RERE: variants seen among roughly 807,000 people sequenced by gnomAD.
RERE encodes the protein arginine-glutamic acid dipeptide repeats, also known as arginine-glutamic acid dipeptide repeats protein.
RERE carries 40 observed loss-of-function variants against 146.1 expected under a neutral mutation model. That is an observed-to-expected ratio of 0.27 (90% CI 0.21 to 0.36). The LOEUF is 0.36. RERE is among the 10% of genes least tolerant of loss of function. The probability of loss-of-function intolerance (pLI) is 1.00; values close to 1 mark genes in which losing one functional copy is unlikely to be tolerated. For missense variants in RERE, 1,933 were observed against 2,138.7 expected, an observed-to-expected ratio of 0.90 and a Z score of 1.90; for synonymous variants, 1,003 against 866.0, an observed-to-expected ratio of 1.16 and a Z score of -2.78.
chr1:8,588,559 A>C (rs1258887237), intron 4 of RERE, among the ~76,000 whole-genome samples: 1 of 152,226 alleles, frequency 6.6e-6, no homozygotes, highest in African/African-American at 2.4e-5. Context: ...TTGAGCAGAC[A>C]AAAACACATA....
chr1:8,411,463 C>T (rs1238518000), intron 12 of RERE, among the ~76,000 whole-genome samples: 3 of 151,964 alleles, frequency 2.0e-5, no homozygotes, highest in African/African-American at 7.3e-5. Context: ...TTTTGATGGG[C>T]AAATCCACCC....
intron 7 of RERE, chr1:8,525,679 G>A (rs1645561799): frequency 7.2e-7 from 1 of 1,385,672 alleles, no homozygotes; most frequent in Non-Finnish European, 9.7e-7. Context: ...ATGATGAAAT[G>A]ATTCATAAAC....
chr1:8,685,149 C>T (rs1639056485), intron 1 of RERE, among the ~76,000 whole-genome samples: 1 of 152,174 alleles, frequency 6.6e-6, no homozygotes, highest in African/African-American at 2.4e-5. Context: ...TGACATACCA[C>T]ACCCAGCCCA....
intron 2 of RERE, among the ~76,000 whole-genome samples, chr1:8,641,080 G>C (rs1205119325): frequency 6.6e-6 from 1 of 152,164 alleles, no homozygotes. Flanking sequence ...GGTTTTCTCA[G>C]CTGGTGAAGC....
chr1:8,478,352 A>G (rs1644786549), intron 10 of RERE, among the ~76,000 whole-genome samples: 1 of 152,184 alleles, frequency 6.6e-6, no homozygotes, highest in African/African-American at 2.4e-5. Context: ...TCTAAAATGG[A>G]AGAAAAAAAG....
intron 7 of RERE, among the ~76,000 whole-genome samples, chr1:8,526,293 C>CTTTT (rs34947776): frequency 7.0e-6 from 1 of 141,846 alleles, no homozygotes; most frequent in East Asian, 2.0e-4. Context: ...CAAGTTTTGT[C>CTTTT]TTTTTTTTTT....
chr1:8,695,587 TAAAAAAAAAA>T (rs34953565), intron 1 of RERE, among the ~76,000 whole-genome samples: 65 of 36,740 alleles, frequency 1.8e-3, no homozygotes, highest in African/African-American at 7.0e-3. Context: ...CCATTTCTAC[TAAAAAAAAAA>T]AAAAAAAAAA....
intron 1 of RERE, among the ~76,000 whole-genome samples, chr1:8,665,940 T>A (rs919988294): frequency 6.6e-6 from 1 of 152,186 alleles, no homozygotes. Context: ...ACTACTGTTA[T>A]GTATATCTTA....
At chr1:8,470,239 G>A (rs1306119752) in intron 10 of RERE, among the ~76,000 whole-genome samples, 1 of 151,982 alleles carries the variant, frequency 6.6e-6, no homozygotes, top group Non-Finnish European at 1.5e-5. Context: ...AAAAAGTGTG[G>A]GATTATTTAC....
At chr1:8,773,778 C>T (rs571640612) in intron 1 of RERE, among the ~76,000 whole-genome samples, 1 of 152,228 alleles carries the variant, frequency 6.6e-6, no homozygotes, top group African/African-American at 2.4e-5. Flanking sequence ...GAGCTGAGAT[C>T]GCGCCACTGC....
intron 11 of RERE, among the ~76,000 whole-genome samples, chr1:8,447,123 GT>G (rs559225761): frequency 7.0e-5 from 10 of 143,514 alleles, no homozygotes; most frequent in Non-Finnish European, 1.2e-4. Flanking sequence ...TTCTCCTGCT[GT>G]TTTTTTTTTC....
chr1:8,495,001 C>G, intron 10 of RERE, 62 bp downstream of exon 10: 1 of 1,219,674 alleles, frequency 8.2e-7, no homozygotes, highest in African/African-American at 1.5e-5. Flanking sequence ...CACACATTCC[C>G]TACAGCCAGT....
At chr1:8,754,069 G>A (rs1640589329) in intron 1 of RERE, among the ~76,000 whole-genome samples, 1 of 152,080 alleles carries the variant, frequency 6.6e-6, no homozygotes. Flanking sequence ...TTTTATTAAG[G>A]AGTTACTGAA....
chr1:8,720,579 C>G (rs531640562), intron 1 of RERE, among the ~76,000 whole-genome samples: 15 of 152,134 alleles, frequency 9.9e-5, no homozygotes, highest in Non-Finnish European at 2.1e-4. Context: ...GCAAGCGAGC[C>G]GGCAGGACTA....
chr1:8,590,529 G>A (rs575840538), intron 4 of RERE, among the ~76,000 whole-genome samples: 1 of 152,214 alleles, frequency 6.6e-6, no homozygotes, highest in Non-Finnish European at 1.5e-5. Context: ...GAGATGCCCT[G>A]GGAACAAATG....
At chr1:8,765,771 G>GT (rs1459572073) in intron 1 of RERE, among the ~76,000 whole-genome samples, 1 of 152,198 alleles carries the variant, frequency 6.6e-6, no homozygotes, top group African/African-American at 2.4e-5. Context: ...GGCCAACATG[G>GT]TGAAACCCCG....
chr1:8,511,776 TTTC>T, intron 7 of RERE: 1 of 151,266 alleles, frequency 6.6e-6, no homozygotes, highest in African/African-American at 2.4e-5. Context: ...CTTTTTTCTT[TTTC>T]TTTTTTTTTT....
intron 2 of RERE, among the ~76,000 whole-genome samples, chr1:8,642,781 A>G (rs1647196981): frequency 6.6e-6 from 1 of 152,204 alleles, no homozygotes; most frequent in Non-Finnish European, 1.5e-5. Flanking sequence ...TCATTTCTGC[A>G]TATAAATATC....
At chr1:8,428,084 T>C in intron 11 of RERE, among the ~76,000 whole-genome samples, 1 of 152,226 alleles carries the variant, frequency 6.6e-6, no homozygotes, top group East Asian at 1.9e-4. Context: ...TCATGAATTA[T>C]TTCTGTGTCC....
Sources: gnomAD v4.1 joint callset for allele counts (sites outside exome capture counted in the v4.1 genomes callset) on GRCh38, gnomAD v4.1.1 for gene constraint, MANE v1.5 for transcripts, NCBI Gene and HGNC (gene_info 2026-07-23, HGNC 2026-07-21) for gene names.